The following RNF183 variants were observed in gnomAD, a reference collection of about 807,000 sequenced individuals.
RNF183 encodes the protein E3 ubiquitin-protein ligase RNF183.
RNF183 carries 4 observed loss-of-function variants against 9.0 expected under a neutral mutation model. The ratio of observed to expected loss-of-function variants is 0.44; its 90% CI spans 0.22 to 1.01. RNF183 has a LOEUF of 1.01. Among genes scored for constraint, RNF183 ranks in the 50% least tolerant of loss-of-function variants. RNF183 has a pLI of 0.25. For synonymous variants in RNF183, 102 were observed against 107.5 expected (o/e 0.95, Z 0.32); for missense variants, 227 against 253.6 (o/e 0.89, Z 0.71).
chr9:113,302,797 A>G (rs936425362), intron 1 of RNF183, among the ~76,000 whole-genome samples: 1 of 152,248 alleles, frequency 6.6e-6, no homozygotes, highest in East Asian at 1.9e-4. Context: ...TACGGTGCCC[A>G]GTAGAATACG....
At chr9:113,300,668 A>T (rs184493940) in intron 3 of RNF183, among the ~76,000 whole-genome samples, 1 of 152,218 alleles carries the variant, frequency 6.6e-6, no homozygotes, top group South Asian at 2.1e-4. Flanking sequence ...AGCTCTTCCA[A>T]TTTGAGAAAG....
At position 113,297,330 on chromosome 9, in the gene RNF183, C is replaced by G. The variant is rs1240995819; in HGVS notation, c.*276G>C. Reference sequence around the variant, plus strand: ...GATACCACTGTGCAGCCCTTTGGCACAACTTGCTGTGGAGCTCTGTGGTCA... The same window carrying G: ...GATACCACTGTGCAGCCCTTTGGCAGAACTTGCTGTGGAGCTCTGTGGTCA... On this transcript the variant is annotated 3_prime_UTR_variant, in exon 5 of 5. Coordinates refer to ENST00000489339, the MANE Select transcript of RNF183 (RefSeq NM_001371237.1). 7.8e-6 allele frequency: 2 copies of G among 257,906 alleles called. No individual in the cohort carries two copies. Among genetic ancestry groups the G allele is most frequent in the African/African-American group, 4.5e-5 (2 of 44,904 alleles). 16.0% of individuals were successfully genotyped at this position (257,906 alleles called of 1,614,324 possible).
Position 113,297,827 on chromosome 9 carries a change from G to T in RNF183, c.358C>A (p.Leu120Ile). Reference protein sequence around the residue: ...LRQPQVYTLDLGPQPGGQTGP... With the variant: ...LRQPQVYTLDIGPQPGGQTGP... ...GTCTGGCCCCCAGGCTGGGGGCCAA[G>T]GTCCAGCGTGTAGACTTGAGGCTGG... is the stretch of plus-strand genomic sequence containing the variant. Residue 120 changes from leucine (L) to isoleucine (I), a missense_variant, in exon 5 of 5, where the codon CTT (leucine) becomes ATT (isoleucine). Coordinates refer to ENST00000489339, the MANE Select transcript of RNF183 (RefSeq NM_001371237.1). The T allele has an allele frequency of 6.2e-7, 1 of 1,610,890 alleles. No individual in the cohort carries two copies. Among genetic ancestry groups the T allele is most frequent in the African/African-American group, 1.3e-5 (1 of 74,930 alleles).
In RNF183 at chr9:113,297,474, C is replaced by T. The variant is rs1001570612; in HGVS notation, c.*132G>A. 7 of 592,758 alleles carry T rather than the reference C, an allele frequency of 1.2e-5. No individual in the cohort carries two copies. Among genetic ancestry groups the T allele is most frequent in the Non-Finnish European group, 1.7e-5 (6 of 354,468 alleles). 36.7% of individuals were successfully genotyped at this position (592,758 alleles called of 1,614,324 possible). A position where few individuals can be genotyped will look rare whatever the true frequency, so the allele number is the denominator to read the frequency against. On this transcript the variant is annotated 3_prime_UTR_variant, in exon 5 of 5. Transcript: ENST00000489339. ...TTTTAAAATTGTTCCCAGAAGCAAA[C>T]ACATGGCCTGAACAATCCCTGGATT...
In RNF183 at chr9:113,302,980, G is replaced by A. The variant is rs117028049; in HGVS notation, c.-441+76C>T. ...TCCCAGGCCAGAGTTCACCTGTCGC[G>A]CGCTGCACGGCTGCTGCCTCTCTGG... is the stretch of plus-strand genomic sequence containing the variant. On this transcript the variant is annotated intron_variant, in intron 1 of 4. Transcript: ENST00000489339. 7.1e-3 allele frequency: 1,085 copies of A among 152,362 alleles called. 88 individuals are homozygous for A. In the East Asian group the frequency reaches 0.19, roughly 26 times the overall value. 9.4% of individuals were successfully genotyped at this position (152,362 alleles called of 1,614,324 possible).
At chr9:113,302,873 G>C (rs980713890) in intron 1 of RNF183, among the ~76,000 whole-genome samples, 183 bp downstream of exon 1, 1 of 152,182 alleles carries the variant, frequency 6.6e-6, no homozygotes, top group South Asian at 2.1e-4. Context: ...GGAAGCCAAG[G>C]CTCAGAAGGG....
chr9:113,298,072 A>C lies in RNF183; in HGVS notation c.113T>G (p.Val38Gly), dbSNP rs775719476. The C allele has an allele frequency of 4.3e-6, 7 of 1,613,970 alleles. No individual in the cohort carries two copies. In the South Asian group the frequency reaches 7.7e-5, roughly 18 times the overall value. Reference protein sequence around the residue: ...KMLDCCHSFCVECLAHLSLVT... With the variant: ...KMLDCCHSFCGECLAHLSLVT... ...AAGGCTGAGGTGGGCCAGACATTCC[A>C]CGCAGAAGGAGTGGCAGCAATCCAG... The change falls in exon 5 of 5, where the codon GTG becomes GGG. Residue 38 changes from valine to glycine, a missense_variant. Physicochemically the swap from Val to Gly is moderately radical, Grantham distance 109 (BLOSUM62 -3). Transcript: ENST00000489339. This position sits in a 1 kb window ranked among gnomAD's most constrained non-coding sequence, Gnocchi z 4.9.
intron 4 of RNF183, chr9:113,299,229 C>G (rs1375872723): frequency 6.6e-6 from 1 of 152,402 alleles, no homozygotes; most frequent in East Asian, 1.9e-4. Context: ...GAGTTCCCCC[C>G]AGGGCATGGC....
Position 113,298,307 on chromosome 9 carries a change from G to T in RNF183, c.-37-86C>A. 3 of 802,862 alleles carry T rather than the reference G, an allele frequency of 3.7e-6. No individual in the cohort carries two copies. The highest frequency in any genetic ancestry group is 6.1e-6 in the Non-Finnish European group (3 of 489,818). 49.7% of individuals were successfully genotyped at this position (802,862 alleles called of 1,614,324 possible). ...TGGGGCAAAGTGTTCTGTGGGTGTT[G>T]AAAGGTGTAATCACCACGTTTTACT... On this transcript the variant is annotated intron_variant, in intron 4 of 4. Coordinates refer to ENST00000489339, the MANE Select transcript of RNF183 (RefSeq NM_001371237.1). This position sits in a 1 kb window ranked among gnomAD's most constrained non-coding sequence, Gnocchi z 4.9.
In RNF183 at chr9:113,297,805, T is replaced by C. The variant is rs372495049; in HGVS notation, c.380A>G (p.Gln127Arg). ...GGCCGTGTCTGGGGGCGGCCCAGTC[T>C]GGCCCCCAGGCTGGGGGCCAAGGTC... Reference protein sequence around the residue: ...TLDLGPQPGGQTGPPPDTASA... With the variant: ...TLDLGPQPGGRTGPPPDTASA... Residue 127 changes from glutamine (Q) to arginine (R), a missense_variant, in exon 5 of 5, where the codon CAG becomes CGG. Transcript: ENST00000489339. 1.2e-4 allele frequency: 191 copies of C among 1,611,102 alleles called. No homozygotes were observed. Among genetic ancestry groups the C allele is most frequent in the Non-Finnish European group, 1.5e-4 (178 of 1,178,500 alleles).
chr9:113,301,162 A>G (rs778524041), intron 3 of RNF183, among the ~76,000 whole-genome samples: 11 of 152,300 alleles, frequency 7.2e-5, no homozygotes, highest in Admixed American at 2.0e-4. Context: ...AGCCAAAACT[A>G]GTAAAGCTTT....
intron 1 of RNF183, among the ~76,000 whole-genome samples, chr9:113,302,572 G>C (rs1832949271): frequency 6.6e-6 from 1 of 152,090 alleles, no homozygotes. Flanking sequence ...TAGCCTTTTG[G>C]GATTTTTTGT....
In RNF183 at chr9:113,297,738, G is replaced by A. The variant is rs376362254; in HGVS notation, c.447C>T (p.His149=). The change falls in exon 5 of 5, where the codon CAC becomes CAT. Residue 149 remains histidine (H), a synonymous_variant. Transcript: ENST00000489339. ...VSTPILIPSH[H]SLRECFRNPQ... Reference sequence around the variant, plus strand: ...GGTTGCGGAAACACTCCCTCAAAGAGTGGTGGCTGGGGATGAGGATGGGCG... The same window carrying A: ...GGTTGCGGAAACACTCCCTCAAAGAATGGTGGCTGGGGATGAGGATGGGCG... 5.0e-6 allele frequency: 8 copies of A among 1,614,044 alleles called. No homozygotes were observed. In the African/African-American group the frequency reaches 5.3e-5, roughly 11 times the overall value.
intron 3 of RNF183, among the ~76,000 whole-genome samples, chr9:113,300,263 C>T (rs1275416403): frequency 6.6e-6 from 1 of 152,184 alleles, no homozygotes; most frequent in African/African-American, 2.4e-5. Flanking sequence ...GGTAGTTTAG[C>T]AGGGCTCTGC....
At position 113,297,510 on chromosome 9, in the gene RNF183, CA is replaced by C; in HGVS notation, c.*95del. On this transcript the variant is annotated 3_prime_UTR_variant, in exon 5 of 5. Transcript: ENST00000489339. ...AACAATCCCTGGATTGTAAAATAAA[CA>C]ACACTACAAAGGAAGACAATACCAA... 1.3e-6 allele frequency: 1 copy of C among 773,722 alleles called. No homozygotes were observed. The highest frequency in any genetic ancestry group is 2.6e-5 in the East Asian group (1 of 37,936). The allele number at this position is 773,722 out of a possible 1,614,324, so 47.9% of individuals were successfully genotyped here.
At position 113,298,179 on chromosome 9, in the gene RNF183, A is replaced by G. The variant is rs2118685296; in HGVS notation, c.6T>C (p.Ala2=). 6.2e-7 allele frequency: 1 copy of G among 1,609,332 alleles called. No individual in the cohort carries two copies. The highest frequency in any genetic ancestry group is 2.2e-5 in the East Asian group (1 of 44,818). The part of the protein sequence containing the change: M[A]EQQGRELEAE... ...CCTCAAGCTCCCGGCCCTGCTGCTCAGCCATCCTCAGCCACACACGGGGAG... is the reference window on the plus strand; with the variant it reads ...CCTCAAGCTCCCGGCCCTGCTGCTCGGCCATCCTCAGCCACACACGGGGAG... Residue 2 remains alanine, a synonymous_variant, in exon 5 of 5, where the codon GCT becomes GCC. Coordinates refer to ENST00000489339, the MANE Select transcript of RNF183 (RefSeq NM_001371237.1). The surrounding 1 kb of genome is among the most constrained non-coding windows in gnomAD (Gnocchi z 4.9).
Position 113,297,628 on chromosome 9 carries a change from T to G in RNF183, c.557A>C (p.Gln186Pro). Reference protein sequence around the residue: ...LLIFSIFWTKQFLWGVG With the variant: ...LLIFSIFWTKPFLWGVG The stretch of plus-strand genomic sequence containing the variant: ...CACTCACCCCACACCCCAAAGGAAC[T>G]GCTTGGTCCAAAAGATGGAGAATAT... Residue 186 changes from glutamine to proline, a missense_variant, in exon 5 of 5, where the codon CAG becomes CCG. Coordinates refer to ENST00000489339, the MANE Select transcript of RNF183 (RefSeq NM_001371237.1). 1 of 1,605,164 alleles carries G rather than the reference T, an allele frequency of 6.2e-7. No homozygotes were observed. The highest frequency in any genetic ancestry group is 8.5e-7 in the Non-Finnish European group (1 of 1,174,904).
At position 113,297,909 on chromosome 9, in the gene RNF183, G is replaced by A. The variant is rs1369369714; in HGVS notation, c.276C>T (p.Ile92=). The A allele has an allele frequency of 1.9e-6, 3 of 1,613,902 alleles. No homozygotes were observed. Among genetic ancestry groups the A allele is most frequent in the Non-Finnish European group, 2.5e-6 (3 of 1,179,942 alleles). The stretch of plus-strand genomic sequence containing the variant: ...TGAGGCACAGCTGATGGCCTTCCAG[G>A]ATGACATGGTGGGGCTCCAGGCGGA... ...ALLRLEPHHV[I]LEGHQLCLKD... is the part of the protein sequence containing the mutation. The change falls in exon 5 of 5, where the codon ATC becomes ATT. Residue 92 remains isoleucine, a synonymous_variant. Coordinates refer to ENST00000489339, the MANE Select transcript of RNF183 (RefSeq NM_001371237.1).
At chr9:113,302,405 C>T (rs1253760345) in intron 1 of RNF183, 92 bp from the exon 2 acceptor site, 1 of 152,238 alleles carries the variant, frequency 6.6e-6, no homozygotes, top group East Asian at 1.9e-4. Context: ...AAGTCATCTC[C>T]TTGGTCTATG....
Sources: allele counts gnomAD v4.1 joint callset (sites outside exome capture counted in the v4.1 genomes callset), GRCh38; gene constraint gnomAD v4.1.1; non-coding constraint Gnocchi (gnomAD v3.1); transcripts MANE v1.5; gene names NCBI Gene and HGNC (gene_info 2026-07-23, HGNC 2026-07-21).